Variants in MYOM2 observed in about 807,000 individuals in gnomAD.
MYOM2 encodes myomesin 2, also known as myomesin-2.
A neutral mutation model predicts 187.6 loss-of-function variants in MYOM2; 254 were observed. The ratio of observed to expected loss-of-function variants is 1.35; its 90% CI spans 1.22 to 1.50. MYOM2 has a LOEUF of 1.50. Ranked by LOEUF, MYOM2 falls within the 40% of genes most tolerant of loss-of-function variation. The pLI, the probability that MYOM2 is intolerant of heterozygous loss-of-function variation, is 0.00. For missense variants in MYOM2, 2,796 were observed against 1,924.0 expected, an observed-to-expected ratio of 1.45 and a Z score of -8.48; for synonymous variants, 981 against 753.8, an observed-to-expected ratio of 1.30 and a Z score of -4.94.
chr8:2,075,356 G>C (rs1386902451), intron 10 of MYOM2, among the ~76,000 whole-genome samples: 2 of 152,158 alleles, frequency 1.3e-5, no homozygotes, highest in African/African-American at 4.8e-5. Context: ...ACCAGCAACA[G>C]GAGGAAAATA....
chr8:2,118,442 C>G (rs1797318750), intron 28 of MYOM2, among the ~76,000 whole-genome samples: 2 of 152,144 alleles, frequency 1.3e-5, no homozygotes, highest in Non-Finnish European at 2.9e-5. Context: ...TTGACTGTCT[C>G]AGGATGAGGG....
At position 2,057,635 on chromosome 8, in the gene MYOM2, C is replaced by G. The variant is rs761206027; in HGVS notation, c.415C>G (p.Leu139Val). The part of the protein sequence containing the change: ...YAIQQMMEDK[L>V]AWERHTFEER... The stretch of plus-strand genomic sequence containing the variant: ...CTTCTCGGGGCAGATGGAGGACAAG[C>G]TGGCCTGGGAGAGACACACATTTGA... Residue 139 changes from leucine (L) to valine (V), a missense_variant, in exon 5 of 37, where the codon CTG becomes GTG. Coordinates refer to ENST00000262113, the MANE Select transcript of MYOM2 (RefSeq NM_003970.4). The G allele has an allele frequency of 2.5e-6, 4 of 1,614,048 alleles. No homozygotes were observed. Among genetic ancestry groups the G allele is most frequent in the Non-Finnish European group, 3.4e-6 (4 of 1,179,988 alleles).
intron 13 of MYOM2, among the ~76,000 whole-genome samples, chr8:2,080,454 T>A (rs6558598): frequency 0.35 from 52,894 of 151,994 alleles, 10,065 homozygotes; most frequent in African/African-American, 0.51. Flanking sequence ...TGTATGTCCC[T>A]ATGTTTCCCA....
chr8:2,115,379 T>C (rs1336594894), intron 25 of MYOM2, among the ~76,000 whole-genome samples: 2 of 152,230 alleles, frequency 1.3e-5, no homozygotes, highest in Non-Finnish European at 2.9e-5. Flanking sequence ...CACATTCATA[T>C]GTATCTGTGC....
chr8:2,140,351 A>G (rs894269497), intron 32 of MYOM2, among the ~76,000 whole-genome samples: 5 of 148,252 alleles, frequency 3.4e-5, no homozygotes, highest in Admixed American at 6.8e-5. Flanking sequence ...AGGTGTGACA[A>G]TATCTCTCCA....
At chr8:2,077,393 A>T (rs1430032353) in intron 11 of MYOM2, among the ~76,000 whole-genome samples, 2 of 152,298 alleles carry the variant, frequency 1.3e-5, no homozygotes, top group East Asian at 3.9e-4. Flanking sequence ...GCAAAATTTT[A>T]TATGTATATT....
chr8:2,109,983 G>T (rs1451883080), intron 25 of MYOM2, among the ~76,000 whole-genome samples: 1 of 152,178 alleles, frequency 6.6e-6, no homozygotes, highest in African/African-American at 2.4e-5. Context: ...GCCTGTTTGG[G>T]CAGCAATCTT....
At chr8:2,051,287 GA>G (rs1818476791) in intron 2 of MYOM2, among the ~76,000 whole-genome samples, 1 of 152,172 alleles carries the variant, frequency 6.6e-6, no homozygotes, top group South Asian at 2.1e-4. Flanking sequence ...CAATATTAGT[GA>G]TTTGGCTACA....
At position 2,057,430 on chromosome 8, in the gene MYOM2, C is replaced by T; in HGVS notation, c.346C>T (p.His116Tyr). 1.2e-6 allele frequency: 2 copies of T among 1,614,012 alleles called. No individual in the cohort carries two copies. Among genetic ancestry groups the T allele is most frequent in the Non-Finnish European group, 1.7e-6 (2 of 1,179,974 alleles). The change falls in exon 4 of 37, where the codon CAC becomes TAC. Residue 116 changes from histidine to tyrosine, a missense_variant. Physicochemically the swap from His to Tyr is moderately conservative, Grantham distance 83 (BLOSUM62 2). Transcript: ENST00000262113. ...SELAHLEEDVHLARSQARDKL... is the reference protein window; with the variant it reads ...SELAHLEEDVYLARSQARDKL... ...GCTGGCCCACTTGGAGGAGGATGTC[C>T]ACCTGGCACGCTCCCAGGCCCGCGA...
At chr8:2,088,217 C>T (rs1223144098) in intron 14 of MYOM2, among the ~76,000 whole-genome samples, 1 of 152,308 alleles carries the variant, frequency 6.6e-6, no homozygotes, top group South Asian at 2.1e-4. Flanking sequence ...CACTCTTTCC[C>T]CCAAGTCCCC....
intron 13 of MYOM2, chr8:2,081,897 C>A (rs1037143075): frequency 3.9e-5 from 6 of 152,212 alleles, no homozygotes; most frequent in Non-Finnish European, 8.8e-5. Flanking sequence ...TTTCCATGGT[C>A]TCGTGTTTTC....
chr8:2,057,209 G>A, intron 3 of MYOM2, 139 bp from the exon 4 acceptor site: 1 of 919,798 alleles, frequency 1.1e-6, no homozygotes, highest in Non-Finnish European at 1.6e-6. Context: ...ATGAGCAGAA[G>A]TAGCATTTCT....
chr8:2,079,963 A>G (rs1803846314), intron 13 of MYOM2, among the ~76,000 whole-genome samples: 1 of 152,170 alleles, frequency 6.6e-6, no homozygotes, highest in African/African-American at 2.4e-5. Flanking sequence ...CACAGATTGC[A>G]TTGTGAAATC....
chr8:2,139,801 T>C (rs558737951), intron 32 of MYOM2, among the ~76,000 whole-genome samples: 6 of 152,340 alleles, frequency 3.9e-5, no homozygotes, highest in East Asian at 1.9e-4. Flanking sequence ...AAATAACTTA[T>C]ACACTTTTGT....
At chr8:2,072,265 C>G in intron 8 of MYOM2, 80 bp from the exon 9 acceptor site, 1 of 954,552 alleles carries the variant, frequency 1.0e-6, no homozygotes, top group Non-Finnish European at 1.4e-6. Flanking sequence ...AAGATGCTCT[C>G]TGCCCTTCGG....
In MYOM2 at chr8:2,145,104, C is replaced by A; in HGVS notation, c.*123C>A. 1 of 1,065,316 alleles carries A rather than the reference C, an allele frequency of 9.4e-7. No individual in the cohort carries two copies. Among genetic ancestry groups the A allele is most frequent in the Non-Finnish European group, 1.4e-6 (1 of 736,630 alleles). The allele number at this position is 1,065,316 out of a possible 1,614,324, so 66.0% of individuals were successfully genotyped here. A position where few individuals can be genotyped will look rare whatever the true frequency, so the allele number is the denominator to read the frequency against. On this transcript the variant is annotated 3_prime_UTR_variant, in exon 37 of 37. Transcript: ENST00000262113. The stretch of plus-strand genomic sequence containing the variant: ...CTGTGTGGGCTGATAGTTGATCACA[C>A]ATTGTGCTTTTGATTTTTGCATTTG...
intron 28 of MYOM2, among the ~76,000 whole-genome samples, chr8:2,121,793 G>A (rs1263689038): frequency 6.6e-6 from 1 of 152,200 alleles, no homozygotes; most frequent in African/African-American, 2.4e-5. Context: ...CAGAAGTGGA[G>A]AATTAGCGCT....
intron 25 of MYOM2, among the ~76,000 whole-genome samples, chr8:2,114,743 T>A (rs1797181972): frequency 6.6e-6 from 1 of 152,232 alleles, no homozygotes. Flanking sequence ...GTGCTGGGAT[T>A]ACAGGTGTGA....
chr8:2,133,919 G>C (rs781359571), intron 32 of MYOM2, among the ~76,000 whole-genome samples: 1 of 121,916 alleles, frequency 8.2e-6, no homozygotes, highest in Non-Finnish European at 1.6e-5. Context: ...TGAGAAGAAA[G>C]TAAGGAGTTC....
Sources: gnomAD v4.1 joint callset for allele counts (sites outside exome capture counted in the v4.1 genomes callset) on GRCh38, gnomAD v4.1.1 for gene constraint, MANE v1.5 for transcripts, NCBI Gene and HGNC (gene_info 2026-07-23, HGNC 2026-07-21) for gene names.